Variants in GALNT15 observed in about 807,000 individuals in gnomAD.
GALNT15 encodes UDP-GalNAc transferase T15.
A neutral mutation model predicts 66.8 loss-of-function variants in GALNT15; 67 were observed. The ratio of observed to expected loss-of-function variants is 1.00; its 90% confidence interval spans 0.82 to 1.23. The LOEUF (loss-of-function observed/expected upper bound fraction) is 1.23. Among genes scored for constraint, GALNT15 ranks in the 50% most tolerant of loss-of-function variants. The pLI is 0.00. For missense variants in GALNT15, 827 were observed against 804.3 expected (o/e 1.03, Z -0.34); for synonymous variants, 313 against 311.5 (o/e 1.00, Z -0.05).
rs2063472902 is a variant in GALNT15, at chr3:16,181,658, C to T, written c.539+5968C>T. Among the ~76,000 whole-genome samples the T allele has an allele frequency of 6.6e-6, 1 of 152,150 alleles. No homozygotes were observed. Among genetic ancestry groups the T allele is most frequent in the Non-Finnish European group, 1.5e-5 (1 of 68,026 alleles). On this transcript the variant is annotated intron_variant, in intron 1 of 9. Transcript: ENST00000339732. This position sits in a 1 kb window ranked among gnomAD's most constrained non-coding sequence, Gnocchi z 5.9. ...CCTGGCCTGCAAAAGAGGAAGGAGGCAGCTGACAGGGCATCAGTAAATCCA... is the reference window on the plus strand; with the variant it reads ...CCTGGCCTGCAAAAGAGGAAGGAGGTAGCTGACAGGGCATCAGTAAATCCA...
chr3:16,209,027 C>G lies in GALNT15; in HGVS notation c.1079+357C>G, dbSNP rs1574987470. Among the ~76,000 whole-genome samples the G allele has an allele frequency of 6.6e-6, 1 of 152,248 alleles. No homozygotes were observed. The highest frequency in any genetic ancestry group is 2.1e-4 in the South Asian group (1 of 4,822). On this transcript the variant is annotated intron_variant, in intron 4 of 9. Transcript: ENST00000339732. This position sits in a 1 kb window ranked among gnomAD's most constrained non-coding sequence, Gnocchi z 4.1. Reference sequence around the variant, plus strand: ...GGCAACCTGAGATGGAATCTTGGCCCAGCTCTCTCATCAGGTACAGTGTGA... The same window carrying G: ...GGCAACCTGAGATGGAATCTTGGCCGAGCTCTCTCATCAGGTACAGTGTGA...
In GALNT15 at chr3:16,219,885, C is replaced by G; in HGVS notation, c.1525-25C>G. ...TCTTTACAGTGGAATCTGGAATTCA[C>G]TCCTGTGTGTGTGTCCACTTTCAGC... On this transcript the variant is annotated intron_variant, in intron 7 of 9. Transcript: ENST00000339732. The surrounding 1 kb of genome is among the most constrained non-coding windows in gnomAD (Gnocchi z 4.3). 2 of 1,576,370 alleles carry G rather than the reference C, an allele frequency of 1.3e-6. No homozygotes were observed. The highest frequency in any genetic ancestry group is 8.7e-7 in the Non-Finnish European group (1 of 1,145,964).
At position 16,227,683 on chromosome 3, in the gene GALNT15, G is replaced by C. The variant is rs1471885669; in HGVS notation, c.*183G>C. On this transcript the variant is annotated 3_prime_UTR_variant, in exon 10 of 10. Transcript: ENST00000339732. The surrounding 1 kb of genome is among the most constrained non-coding windows in gnomAD (Gnocchi z 4.5). ...CTTTTCACACCTTATTTCATTGACT[G>C]CTGGCTGCTTTAAAAAAAAAAAAAA... 2.2e-6 allele frequency: 3 copies of C among 1,387,372 alleles called. No homozygotes were observed. The highest frequency in any genetic ancestry group is 3.3e-5 in the African/African-American group (2 of 61,402). The allele number at this position is 1,387,372 out of a possible 1,614,324, so 85.9% of individuals were successfully genotyped here.
chr3:16,206,378 TA>T (rs139313760), intron 3 of GALNT15, among the ~76,000 whole-genome samples: 371 of 132,956 alleles, frequency 2.8e-3, no homozygotes, highest in Non-Finnish European at 2.9e-3. Flanking sequence ...TGAGACCATT[TA>T]AAAAAAAAAA....
In GALNT15 at chr3:16,195,126, C is replaced by T. The variant is rs749944750; in HGVS notation, c.540-634C>T. Among the ~76,000 whole-genome samples the T allele has an allele frequency of 2.8e-4, 43 of 152,184 alleles. No individual in the cohort carries two copies. The highest frequency in any genetic ancestry group is 8.0e-4 in the African/African-American group (33 of 41,432). On this transcript the variant is annotated intron_variant, in intron 1 of 9. Transcript: ENST00000339732. The surrounding 1 kb of genome is among the most constrained non-coding windows in gnomAD (Gnocchi z 4.6). ...AGAGATTACTGGACACTTAACTACA[C>T]GCATCATCCTATCCAAGCCTCACCA...
rs1052963026 is a variant in GALNT15 at position 16,175,774 on chromosome 3, C to T, written c.539+84C>T. 1.6e-5 allele frequency: 20 copies of T among 1,220,640 alleles called. No homozygotes were observed. Among genetic ancestry groups the T allele is most frequent in the Non-Finnish European group, 2.0e-5 (18 of 893,062 alleles). The allele number at this position is 1,220,640 out of a possible 1,614,324, so 75.6% of individuals were successfully genotyped here. ...ACTCGGGAATGCAAACTTTCCGTAGCCTGCCTCTCCTGACTTAGAGCAAGT... is the reference window on the plus strand; with the variant it reads ...ACTCGGGAATGCAAACTTTCCGTAGTCTGCCTCTCCTGACTTAGAGCAAGT... On this transcript the variant is annotated intron_variant, in intron 1 of 9. Coordinates refer to ENST00000339732, the MANE Select transcript of GALNT15 (RefSeq NM_054110.5). This position sits in a 1 kb window ranked among gnomAD's most constrained non-coding sequence, Gnocchi z 5.6.
chr3:16,182,297 C>T lies in GALNT15; in HGVS notation c.539+6607C>T, dbSNP rs150384836. Among the ~76,000 whole-genome samples the T allele has an allele frequency of 5.3e-5, 8 of 152,240 alleles. No individual in the cohort carries two copies. The East Asian group carries it at 1.4e-3, about 26-fold the overall frequency. On this transcript the variant is annotated intron_variant, in intron 1 of 9. Transcript: ENST00000339732. This position sits in a 1 kb window ranked among gnomAD's most constrained non-coding sequence, Gnocchi z 6.1. ...CCATTATGAGGCCAGTGGTTCACAG[C>T]CCCCACTCACATTAGAACCAATGAG...
Position 16,191,787 on chromosome 3 carries a change from T to G in GALNT15, c.540-3973T>G, listed in dbSNP as rs1050863890. Among the ~76,000 whole-genome samples the G allele has an allele frequency of 1.3e-5, 2 of 152,238 alleles. No individual in the cohort carries two copies. The highest frequency in any genetic ancestry group is 1.3e-4 in the Admixed American group (2 of 15,280). ...CACTGTGCCAAGCCCTTTATCAAAC[T>G]TATTTCTCCCAAAAGCTCTGAAGTG... On this transcript the variant is annotated intron_variant, in intron 1 of 9. Transcript: ENST00000339732. This position sits in a 1 kb window ranked among gnomAD's most constrained non-coding sequence, Gnocchi z 5.2.
At chr3:16,222,481 TG>T in intron 8 of GALNT15, 133 bp from the exon 9 acceptor site, 1 of 1,050,550 alleles carries the variant, frequency 9.5e-7, no homozygotes, top group Non-Finnish European at 1.4e-6. Flanking sequence ...CCATGAGATA[TG>T]GTCTTTCTGA....
chr3:16,205,399 T>C (rs745877959), intron 3 of GALNT15, among the ~76,000 whole-genome samples: 2 of 152,232 alleles, frequency 1.3e-5, no homozygotes, highest in Admixed American at 6.5e-5. Context: ...CAGTAATGTA[T>C]TCGTTGATCT....
At chr3:16,213,181 C>T (rs957384834) in intron 6 of GALNT15, among the ~76,000 whole-genome samples, 6 of 152,014 alleles carry the variant, frequency 3.9e-5, no homozygotes, top group African/African-American at 9.7e-5. Context: ...AAAGGCCAGG[C>T]GCGGTGGCTC....
intron 3 of GALNT15, among the ~76,000 whole-genome samples, chr3:16,206,275 C>T (rs1056171337): frequency 3.3e-5 from 5 of 150,950 alleles, no homozygotes; most frequent in African/African-American, 9.8e-5. Flanking sequence ...CCCAGCTACT[C>T]GGGGAGCTGA....
At position 16,183,081 on chromosome 3, in the gene GALNT15, G is replaced by C. The variant is rs966729219; in HGVS notation, c.539+7391G>C. ...TTCAGACCAGTGACTCCCAGTGTGT[G>C]CCTGTCTCTGGTTCAGAGGTAGATG... On this transcript the variant is annotated intron_variant, in intron 1 of 9. Coordinates refer to ENST00000339732, the MANE Select transcript of GALNT15 (RefSeq NM_054110.5). The surrounding 1 kb of genome is among the most constrained non-coding windows in gnomAD (Gnocchi z 5.2). The C allele has an allele frequency of 6.6e-6, 1 of 152,302 alleles. No individual in the cohort carries two copies. Among genetic ancestry groups the C allele is most frequent in the East Asian group, 1.9e-4 (1 of 5,198 alleles). 9.4% of individuals were successfully genotyped at this position (152,302 alleles called of 1,614,324 possible). A position where few individuals can be genotyped will look rare whatever the true frequency, so the allele number is the denominator to read the frequency against.
rs890985681 is a variant in GALNT15 at position 16,219,817 on chromosome 3, A to G, written c.1525-93A>G. The G allele has an allele frequency of 2.8e-6, 3 of 1,085,734 alleles. No individual in the cohort carries two copies. Among genetic ancestry groups the G allele is most frequent in the Non-Finnish European group, 4.3e-6 (3 of 704,262 alleles). 67.3% of individuals were successfully genotyped at this position (1,085,734 alleles called of 1,614,324 possible). A position where few individuals can be genotyped will look rare whatever the true frequency, so the allele number is the denominator to read the frequency against. On this transcript the variant is annotated intron_variant, in intron 7 of 9. Coordinates refer to ENST00000339732, the MANE Select transcript of GALNT15 (RefSeq NM_054110.5). The surrounding 1 kb of genome is among the most constrained non-coding windows in gnomAD (Gnocchi z 4.3). Reference sequence around the variant, plus strand: ...GCCTGAACAATGTGCCTTGGGCTGCACTCCAGAGAATACAGCAAAGGAATG... The same window carrying G: ...GCCTGAACAATGTGCCTTGGGCTGCGCTCCAGAGAATACAGCAAAGGAATG...
At chr3:16,205,014 C>T (rs949154294) in intron 3 of GALNT15, among the ~76,000 whole-genome samples, 1 of 152,112 alleles carries the variant, frequency 6.6e-6, no homozygotes, top group Non-Finnish European at 1.5e-5. Context: ...TGCCTCCTGC[C>T]CCCCCAGAGG....
intron 8 of GALNT15, among the ~76,000 whole-genome samples, chr3:16,221,289 AGG>A (rs2063939963): frequency 7.1e-6 from 1 of 140,956 alleles, no homozygotes; most frequent in Admixed American, 7.2e-5. Context: ...TAAGGACTTT[AGG>A]ATCCTGCAAT....
chr3:16,227,085 T>C lies in GALNT15; in HGVS notation c.1774-269T>C, dbSNP rs2064028104. 6.6e-6 allele frequency among the ~76,000 whole-genome samples: 1 copy of C among 152,248 alleles called. No homozygotes were observed. The highest frequency in any genetic ancestry group is 2.4e-5 in the African/African-American group (1 of 41,456). On this transcript the variant is annotated intron_variant, in intron 9 of 9. Transcript: ENST00000339732. The surrounding 1 kb of genome is among the most constrained non-coding windows in gnomAD (Gnocchi z 4.5). The stretch of plus-strand genomic sequence containing the variant: ...AAGACTGAACATGCTCTGGGAATTA[T>C]ACTAACCATAACTTTCTAAGAAATG...
rs922069780 is a variant in GALNT15, at chr3:16,180,653, T to G, written c.539+4963T>G. Among the ~76,000 whole-genome samples, 10 of 152,148 alleles carry G rather than the reference T, an allele frequency of 6.6e-5. No individual in the cohort carries two copies. In the South Asian group the frequency reaches 8.3e-4, roughly 13 times the overall value. ...CTGGTAGAGAAAGCGAGTGGAGAGC[T>G]GGTAGAGTTTGGGAAGTTTCCACGT... On this transcript the variant is annotated intron_variant, in intron 1 of 9. Transcript: ENST00000339732. The surrounding 1 kb of genome is among the most constrained non-coding windows in gnomAD (Gnocchi z 5.0).
rs994829954 is a variant in GALNT15 at position 16,181,340 on chromosome 3, T to A, written c.539+5650T>A. Among the ~76,000 whole-genome samples, 2 of 152,094 alleles carry A rather than the reference T, an allele frequency of 1.3e-5. No homozygotes were observed. Among genetic ancestry groups the A allele is most frequent in the South Asian group, 4.2e-4 (2 of 4,818 alleles). The stretch of plus-strand genomic sequence containing the variant: ...TAAAACTCCCCAGGTGGTTCTATCG[T>A]GAAGCCAGGCTGCAAGGCCCCAGGT... On this transcript the variant is annotated intron_variant, in intron 1 of 9. Coordinates refer to ENST00000339732, the MANE Select transcript of GALNT15 (RefSeq NM_054110.5). The surrounding 1 kb of genome is among the most constrained non-coding windows in gnomAD (Gnocchi z 5.9).
Sources: gnomAD v4.1 joint callset for allele counts (sites outside exome capture counted in the v4.1 genomes callset) on GRCh38, gnomAD v4.1.1 for gene constraint, Gnocchi (gnomAD v3.1) non-coding constraint, MANE v1.5 for transcripts, NCBI Gene and HGNC (gene_info 2026-07-23, HGNC 2026-07-21) for gene names.